ZNF766: variants seen among roughly 807,000 people sequenced by gnomAD.
ZNF766 encodes zinc finger protein 766.
ZNF766 carries 13 observed loss-of-function variants against 13.2 expected under a neutral mutation model. That is an observed-to-expected ratio of 0.98 (90% confidence interval 0.64 to 1.56). ZNF766 has a LOEUF of 1.56. ZNF766 is among the 40% of genes most tolerant of loss of function. The pLI is 0.00. For synonymous variants in ZNF766, 178 were observed against 187.6 expected, an observed-to-expected ratio of 0.95 and a Z score of 0.42; for missense variants, 521 against 552.2, an observed-to-expected ratio of 0.94 and a Z score of 0.57.
chr19:52,285,887 C>CTGTA (rs1440702319), intron 3 of ZNF766, among the ~76,000 whole-genome samples: 2 of 152,184 alleles, frequency 1.3e-5, no homozygotes, highest in African/African-American at 4.8e-5. Flanking sequence ...TACCCAAAGA[C>CTGTA]TGTAGCAAGG....
Position 52,285,332 on chromosome 19 carries a change from C to T in ZNF766, c.274+1919C>T, listed in dbSNP as rs541429614. On this transcript the variant is annotated intron_variant, in intron 3 of 3. Coordinates refer to ENST00000439461, the MANE Select transcript of ZNF766 (RefSeq NM_001010851.3). Reference sequence around the variant, plus strand: ...TCCAACACTGTATCTGGAGATAGGGCCAGGTCCCACAGGTTTAGGGCTCAG... The same window carrying T: ...TCCAACACTGTATCTGGAGATAGGGTCAGGTCCCACAGGTTTAGGGCTCAG... 1.1e-4 allele frequency among the ~76,000 whole-genome samples: 17 copies of T among 152,252 alleles called. No individual in the cohort carries two copies. In the East Asian group the frequency reaches 2.9e-3, roughly 26 times the overall value.
chr19:52,292,182 G>C lies in ZNF766; in HGVS notation c.*984G>C, dbSNP rs1387752506. On this transcript the variant is annotated 3_prime_UTR_variant, in exon 4 of 4. Transcript: ENST00000439461. ...CTGTGGTCTGGGAAAGAATCAGTAA[G>C]ATGACAGGGCTGACTTCATTAGATG... The C allele has an allele frequency of 3.7e-5, 26 of 702,740 alleles. No individual in the cohort carries two copies. The highest frequency in any genetic ancestry group is 6.2e-5 in the Non-Finnish European group (24 of 384,924). The allele number at this position is 702,740 out of a possible 1,614,324, so 43.5% of individuals were successfully genotyped here. A position where few individuals can be genotyped will look rare whatever the true frequency, so the allele number is the denominator to read the frequency against.
intron 1 of ZNF766, among the ~76,000 whole-genome samples, chr19:52,278,154 G>A (rs369661106): frequency 6.6e-6 from 1 of 151,662 alleles, no homozygotes; most frequent in African/African-American, 2.4e-5. Flanking sequence ...TGAATTTTTG[G>A]TAGAGATGGG....
At chr19:52,275,763 C>A (rs900820503) in intron 1 of ZNF766, among the ~76,000 whole-genome samples, 7 of 144,332 alleles carry the variant, frequency 4.8e-5, no homozygotes, top group Admixed American at 2.0e-4. Flanking sequence ...TCACTGCAAC[C>A]TCCGCCTCCT....
chr19:52,292,148 G>C lies in ZNF766; in HGVS notation c.*950G>C. On this transcript the variant is annotated 3_prime_UTR_variant, in exon 4 of 4. Coordinates refer to ENST00000439461, the MANE Select transcript of ZNF766 (RefSeq NM_001010851.3). ...AATTTCTTCATGTGCCTTCCCTACA[G>C]GCCTTTCACTGTGGTCTGGGAAAGA... is the stretch of plus-strand genomic sequence containing the variant. 1.4e-6 allele frequency: 1 copy of C among 702,800 alleles called. No homozygotes were observed. Among genetic ancestry groups the C allele is most frequent in the Non-Finnish European group, 2.6e-6 (1 of 384,918 alleles). 43.5% of individuals were successfully genotyped at this position (702,800 alleles called of 1,614,324 possible).
At chr19:52,288,188 T>A (rs886434628) in intron 3 of ZNF766, 1 of 262,920 alleles carries the variant, frequency 3.8e-6, no homozygotes, top group Non-Finnish European at 7.5e-6. Flanking sequence ...GTCCAGCTAA[T>A]TTTTTGAATT....
chr19:52,279,114 C>T (rs62110401), intron 1 of ZNF766, among the ~76,000 whole-genome samples: 2 of 152,054 alleles, frequency 1.3e-5, no homozygotes, highest in African/African-American at 2.4e-5. Context: ...TATCCAGCAC[C>T]GTTTATGAAA....
intron 1 of ZNF766, chr19:52,274,707 C>T (rs1981117422): frequency 6.6e-6 from 1 of 152,272 alleles, no homozygotes. Flanking sequence ...TGCCTGTGGT[C>T]CCAGCTACTT....
intron 1 of ZNF766, among the ~76,000 whole-genome samples, chr19:52,274,087 C>T (rs1460549261): frequency 6.6e-6 from 1 of 152,170 alleles, no homozygotes; most frequent in Non-Finnish European, 1.5e-5. Flanking sequence ...ATTTCTCATC[C>T]TTCTGAGCAG....
intron 3 of ZNF766, among the ~76,000 whole-genome samples, chr19:52,285,989 C>G (rs1449422040): frequency 1.3e-5 from 2 of 152,064 alleles, no homozygotes; most frequent in African/African-American, 4.8e-5. Context: ...CGTGTCCTCC[C>G]TGGATACCAA....
At chr19:52,285,782 T>TA (rs1193410510) in intron 3 of ZNF766, among the ~76,000 whole-genome samples, 1 of 152,054 alleles carries the variant, frequency 6.6e-6, no homozygotes, top group Non-Finnish European at 1.5e-5. Context: ...GGGGGAAAGT[T>TA]AGAGTCCTGC....
intron 2 of ZNF766, among the ~76,000 whole-genome samples, chr19:52,282,760 T>C (rs566864783): frequency 1.2e-4 from 18 of 152,320 alleles, no homozygotes; most frequent in Admixed American, 9.8e-4. Context: ...GTACCTGGGC[T>C]TAAGTGTGCA....
chr19:52,289,902 G>A (rs983623704), intron 3 of ZNF766, among the ~76,000 whole-genome samples, 164 bp from the exon 4 acceptor site: 3 of 152,218 alleles, frequency 2.0e-5, no homozygotes, highest in Non-Finnish European at 4.4e-5. Flanking sequence ...TTGGGAGGCT[G>A]AGGCAGGAGA....
intron 3 of ZNF766, among the ~76,000 whole-genome samples, chr19:52,286,389 C>T (rs1201300492): frequency 6.6e-6 from 1 of 150,654 alleles, no homozygotes; most frequent in Admixed American, 6.6e-5. Context: ...CTCACTGCAG[C>T]CTCCACCTCC....
rs577041972 is a variant in ZNF766 at position 52,292,789 on chromosome 19, CA to C, written c.*1593del. 1.3e-5 allele frequency: 2 copies of C among 152,092 alleles called. No homozygotes were observed. The highest frequency in any genetic ancestry group is 6.6e-5 in the Admixed American group (1 of 15,260). The allele number at this position is 152,092 out of a possible 1,614,324, so 9.4% of individuals were successfully genotyped here. On this transcript the variant is annotated 3_prime_UTR_variant, in exon 4 of 4. Coordinates refer to ENST00000439461, the MANE Select transcript of ZNF766 (RefSeq NM_001010851.3). ...TCTCAGGAGGATACTTTATAGCAGA[CA>C]ATAATAAGGCACCATTAGGATTTTT...
chr19:52,286,835 A>AGTTTT (rs371384881), intron 3 of ZNF766, among the ~76,000 whole-genome samples: 118 of 151,890 alleles, frequency 7.8e-4, no homozygotes, highest in Admixed American at 2.2e-3. Flanking sequence ...ATTGCTCTGC[A>AGTTTT]GTTTTGTTTT....
At position 52,288,694 on chromosome 19, in the gene ZNF766, G is replaced by GTT. The variant is rs570168757; in HGVS notation, c.275-1361_275-1360dup. Among the ~76,000 whole-genome samples, 6 of 138,230 alleles carry GTT rather than the reference G, an allele frequency of 4.3e-5. No individual in the cohort carries two copies. The East Asian group carries it at 8.6e-4, about 20-fold the overall frequency. The allele number at this position is 138,230 out of a possible 152,430, so 90.7% of individuals were successfully genotyped here. On this transcript the variant is annotated intron_variant, in intron 3 of 3. Transcript: ENST00000439461. ...TAGGTGTGAGCCACCACACCCAGCC[G>GTT]TTTTTTTTTTTTCATGTATGCATAC...
chr19:52,282,306 C>A, intron 2 of ZNF766, 69 bp downstream of exon 2: 1 of 1,501,956 alleles, frequency 6.7e-7, no homozygotes, highest in Non-Finnish European at 8.9e-7. Flanking sequence ...TTGTGTGCCT[C>A]TTGGGAGCCC....
intron 3 of ZNF766, among the ~76,000 whole-genome samples, chr19:52,289,045 A>C (rs10410297): frequency 0.087 from 12,889 of 148,814 alleles, 1,213 homozygotes; most frequent in African/African-American, 0.24. Context: ...TTTAGTAGAG[A>C]TAGGGTTTCA....
Sources: allele counts gnomAD v4.1 joint callset (sites outside exome capture counted in the v4.1 genomes callset), GRCh38; gene constraint gnomAD v4.1.1; transcripts MANE v1.5; gene names NCBI Gene and HGNC (gene_info 2026-07-23, HGNC 2026-07-21).